F13A1: variants seen among roughly 807,000 people sequenced by gnomAD.
The protein encoded by F13A1 is FSF, A subunit.
In F13A1, 47 loss-of-function variants were observed where a neutral mutation model predicts 80.1. That is an observed-to-expected ratio of 0.59 (90% confidence interval 0.46 to 0.75). The LOEUF is 0.75. Among genes scored for constraint, F13A1 ranks in the 30% least tolerant of loss-of-function variants. F13A1 has a pLI of 0.00. For synonymous variants in F13A1, 349 were observed against 344.9 expected, an observed-to-expected ratio of 1.01 and a Z score of -0.13; for missense variants, 817 against 930.4, an observed-to-expected ratio of 0.88 and a Z score of 1.59.
In F13A1 at chr6:6,248,277, G is replaced by A. The variant is rs1280804512; in HGVS notation, c.798+35C>T. The A allele has an allele frequency of 2.6e-6, 4 of 1,538,750 alleles. No homozygotes were observed. The Admixed American group carries it at 6.7e-5, about 26-fold the overall frequency. ...ATATATACTGAGGCAAATGACAGGT[G>A]TAACAGATTTTAGGTATCAGTAATT... On this transcript the variant is annotated intron_variant, in intron 6 of 14. Coordinates refer to ENST00000264870, the MANE Select transcript of F13A1 (RefSeq NM_000129.4).
At chr6:6,234,376 A>C (rs1458553091) in intron 6 of F13A1, among the ~76,000 whole-genome samples, 1 of 152,008 alleles carries the variant, frequency 6.6e-6, no homozygotes, top group African/African-American at 2.4e-5. Flanking sequence ...GAAGTACTTC[A>C]GGGAATATGG....
At chr6:6,312,149 G>T (rs2755418) in intron 2 of F13A1, among the ~76,000 whole-genome samples, 1 of 150,710 alleles carries the variant, frequency 6.6e-6, no homozygotes, top group African/African-American at 2.4e-5. Context: ...ACAGCTGATA[G>T]TATCAATTGT....
rs57716665 is a variant in F13A1, at chr6:6,316,078, CATATATATATAT to C, written c.130+2445_130+2456del. ...GTTTGTGTGCTGCTATGTGTGTGTGCATATATATATATATATATATATATATATATATATATA... is the reference window on the plus strand; with the variant it reads ...GTTTGTGTGCTGCTATGTGTGTGTGCATATATATATATATATATATATATA... On this transcript the variant is annotated intron_variant, in intron 2 of 14. Coordinates refer to ENST00000264870, the MANE Select transcript of F13A1 (RefSeq NM_000129.4). Among the ~76,000 whole-genome samples, 143 of 34,928 alleles carry C rather than the reference CATATATATATAT, an allele frequency of 4.1e-3. 6 individuals carry two copies. Among genetic ancestry groups the C allele is most frequent in the Middle Eastern group, 0.029 (1 of 34 alleles). 22.9% of individuals were successfully genotyped at this position (34,928 alleles called of 152,430 possible). A position where few individuals can be genotyped will look rare whatever the true frequency, so the allele number is the denominator to read the frequency against.
At position 6,145,750 on chromosome 6, in the gene F13A1, C is replaced by G. The variant is rs762504395; in HGVS notation, c.2068G>C (p.Val690Leu). 1.3e-5 allele frequency: 21 copies of G among 1,614,018 alleles called. No homozygotes were observed. The East Asian group carries it at 2.2e-4, about 17-fold the overall frequency. Residue 690 changes from valine (V) to leucine (L), a missense_variant, in exon 15 of 15, where the codon GTG becomes CTG. Physicochemically the swap from Val to Leu is conservative, Grantham distance 32. Coordinates refer to ENST00000264870, the MANE Select transcript of F13A1 (RefSeq NM_000129.4). ...GGCCGGCACACTTCTTCCCACTGCA[C>G]GGTGGAGTTGGGCCGGATTTCACTG... The part of the protein sequence containing the change: ...MFREIRPNST[V>L]QWEEVCRPWV...
At chr6:6,307,678 T>C (rs991710938) in intron 2 of F13A1, among the ~76,000 whole-genome samples, 3 of 152,156 alleles carry the variant, frequency 2.0e-5, no homozygotes, top group African/African-American at 7.2e-5. Flanking sequence ...AGAACAGCAA[T>C]AGCATTTTCT....
At chr6:6,304,180 G>A (rs2113181596) in intron 3 of F13A1, among the ~76,000 whole-genome samples, 1 of 152,100 alleles carries the variant, frequency 6.6e-6, no homozygotes, top group African/African-American at 2.4e-5. Context: ...GATATCAAAA[G>A]TTGTTGTTTT....
Position 6,250,789 on chromosome 6 carries a change from T to C in F13A1, c.690+22A>G. The C allele has an allele frequency of 6.7e-7, 1 of 1,502,866 alleles. No homozygotes were observed. Among genetic ancestry groups the C allele is most frequent in the Non-Finnish European group, 9.3e-7 (1 of 1,079,000 alleles). The allele number at this position is 1,502,866 out of a possible 1,614,324, so 93.1% of individuals were successfully genotyped here. A position where few individuals can be genotyped will look rare whatever the true frequency, so the allele number is the denominator to read the frequency against. On this transcript the variant is annotated intron_variant, in intron 5 of 14. Coordinates refer to ENST00000264870, the MANE Select transcript of F13A1 (RefSeq NM_000129.4). This position sits in a 1 kb window ranked among gnomAD's most constrained non-coding sequence, Gnocchi z 4.2. ...TATGAAGTAAAAATGTCCTTGACAA[T>C]AACAAATTTTAAGTGGCTCACCTGA...
intron 3 of F13A1, among the ~76,000 whole-genome samples, chr6:6,302,725 A>G (rs1048669587): frequency 1.3e-5 from 2 of 152,152 alleles, no homozygotes; most frequent in Admixed American, 1.3e-4. Context: ...TAATCTCACT[A>G]TTCTATTATG....
chr6:6,264,463 C>T (rs1347468269), intron 4 of F13A1, among the ~76,000 whole-genome samples: 1 of 152,180 alleles, frequency 6.6e-6, no homozygotes, highest in Non-Finnish European at 1.5e-5. Flanking sequence ...TTCCTACATA[C>T]TCTTCCATCT....
Position 6,266,716 on chromosome 6 carries a change from C to A in F13A1, c.413G>T (p.Arg138Ile), listed in dbSNP as rs202087752. The A allele has an allele frequency of 1.9e-5, 30 of 1,614,094 alleles. No homozygotes were observed. Among genetic ancestry groups the A allele is most frequent in the Admixed American group, 5.0e-5 (3 of 59,996 alleles). ...SGKWGAKIVM[R>I]EDRSVRLSIQ... ...GGACAGCCGCACAGACCTGTCCTCT[C>A]TCATGACAATCTTGGCCCCCCACTT... The change falls in exon 4 of 15, where the codon AGA (arginine) becomes ATA (isoleucine). Residue 138 changes from arginine to isoleucine, a missense_variant. Coordinates refer to ENST00000264870, the MANE Select transcript of F13A1 (RefSeq NM_000129.4).
At chr6:6,260,787 G>A (rs984208778) in intron 4 of F13A1, among the ~76,000 whole-genome samples, 1 of 152,174 alleles carries the variant, frequency 6.6e-6, no homozygotes, top group Non-Finnish European at 1.5e-5. Context: ...GGATCCCTCT[G>A]CATTAAGGAA....
intron 3 of F13A1, chr6:6,305,099 AGTT>A (rs1482329664): frequency 3.7e-6 from 2 of 537,308 alleles, no homozygotes; most frequent in South Asian, 4.2e-5. Context: ...AGAATAATTT[AGTT>A]AAGCAACACA....
rs577982242 is a variant in F13A1, at chr6:6,314,140, C to T, written c.130+4395G>A. Among the ~76,000 whole-genome samples, 343 of 152,038 alleles carry T rather than the reference C, an allele frequency of 2.3e-3. 2 individuals carry two copies. Among genetic ancestry groups the T allele is most frequent in the Non-Finnish European group, 3.1e-4 (21 of 67,990 alleles). On this transcript the variant is annotated intron_variant, in intron 2 of 14. Coordinates refer to ENST00000264870, the MANE Select transcript of F13A1 (RefSeq NM_000129.4). ...GGGATTACAGGCGCCAACCACCACC[C>T]CAGGCTAATTTTTGTATTTTTAGTA...
intron 3 of F13A1, among the ~76,000 whole-genome samples, chr6:6,297,574 C>T (rs1040911982): frequency 6.7e-6 from 1 of 149,952 alleles, no homozygotes; most frequent in Non-Finnish European, 1.5e-5. Flanking sequence ...GTTTGTATTT[C>T]TGTGGGATCG....
At chr6:6,177,860 C>A (rs538712922) in intron 11 of F13A1, among the ~76,000 whole-genome samples, 6 of 152,052 alleles carry the variant, frequency 3.9e-5, no homozygotes, top group African/African-American at 4.8e-5. Context: ...GTTTTTGGAG[C>A]GAGGGCAAGA....
At chr6:6,216,545 TA>T (rs1396148319) in intron 8 of F13A1, among the ~76,000 whole-genome samples, 8 of 149,520 alleles carry the variant, frequency 5.4e-5, no homozygotes, top group Non-Finnish European at 1.5e-5. Context: ...ATTAAAGACT[TA>T]AACATTAGAC....
intron 13 of F13A1, among the ~76,000 whole-genome samples, chr6:6,154,520 C>T (rs912278660): frequency 1.3e-5 from 2 of 152,298 alleles, no homozygotes; most frequent in Middle Eastern, 3.4e-3. Flanking sequence ...GGAGCAGCCC[C>T]GCACCCCAGC....
chr6:6,312,764 G>A (rs1251302740), intron 2 of F13A1, among the ~76,000 whole-genome samples: 6 of 152,066 alleles, frequency 3.9e-5, no homozygotes, highest in Non-Finnish European at 7.4e-5. Context: ...TGGCTAAGAA[G>A]GGGAAGATTA....
In F13A1 at chr6:6,318,733, T is replaced by G. The variant is rs562047265; in HGVS notation, c.-18-51A>C. On this transcript the variant is annotated intron_variant, in intron 1 of 14. Coordinates refer to ENST00000264870, the MANE Select transcript of F13A1 (RefSeq NM_000129.4). ...CAACAGAAAAGGCATGTAAAGTGAG[T>G]AACATTTGAGACAAGGATTCCAAAA... The G allele has an allele frequency of 3.0e-5, 47 of 1,572,198 alleles. No individual in the cohort carries two copies. The East Asian group carries it at 6.3e-4, about 21-fold the overall frequency.
Sources: allele counts gnomAD v4.1 joint callset (sites outside exome capture counted in the v4.1 genomes callset), GRCh38; gene constraint gnomAD v4.1.1; non-coding constraint Gnocchi (gnomAD v3.1); transcripts MANE v1.5; gene names NCBI Gene and HGNC (gene_info 2026-07-23, HGNC 2026-07-21).